Variants in PSD3 observed in about 807,000 individuals in gnomAD.
PSD3 encodes the protein pleckstrin and Sec7 domain containing 3.
PSD3 carries 49 observed loss-of-function variants against 105.5 expected under a neutral mutation model. The ratio of observed to expected loss-of-function variants is 0.46; its 90% CI spans 0.37 to 0.59. PSD3 has a LOEUF of 0.59. Among genes scored for constraint, PSD3 ranks in the 20% least tolerant of loss-of-function variants. PSD3 has a pLI of 0.00. For missense variants in PSD3, 1,561 were observed against 1,263.8 expected (o/e 1.24, Z -3.57); for synonymous variants, 557 against 457.8 (o/e 1.22, Z -2.77).
intron 1 of PSD3, among the ~76,000 whole-genome samples, chr8:19,074,344 A>G (rs1176060745): frequency 6.6e-6 from 1 of 151,994 alleles, no homozygotes; most frequent in Non-Finnish European, 1.5e-5. Flanking sequence ...ATCTTCCAGG[A>G]TGAGGGGAAA....
intron 15 of PSD3, among the ~76,000 whole-genome samples, chr8:18,546,111 C>G (rs1047392032): frequency 6.6e-6 from 1 of 152,156 alleles, no homozygotes; most frequent in Non-Finnish European, 1.5e-5. Context: ...CGCAATTCTC[C>G]TGCCTCAGCA....
intron 1 of PSD3, among the ~76,000 whole-genome samples, chr8:18,945,831 C>T (rs1008007196): frequency 6.8e-6 from 1 of 146,092 alleles, no homozygotes; most frequent in African/African-American, 2.6e-5. Flanking sequence ...AAAAATTAGC[C>T]AGGTGCAGTG....
chr8:18,617,039 T>C (rs1372579375), intron 11 of PSD3, among the ~76,000 whole-genome samples: 2 of 152,178 alleles, frequency 1.3e-5, no homozygotes, highest in Admixed American at 1.3e-4. Context: ...TCTATGATTT[T>C]CCCCTGTGTG....
chr8:18,628,668 A>G (rs1196743261), intron 11 of PSD3, among the ~76,000 whole-genome samples: 1 of 152,026 alleles, frequency 6.6e-6, no homozygotes, highest in Non-Finnish European at 1.5e-5. Context: ...ATAGGACAAC[A>G]TCACAAAGGC....
chr8:18,655,615 T>C, intron 10 of PSD3, 27 bp downstream of exon 10: 1 of 1,609,448 alleles, frequency 6.2e-7, no homozygotes, highest in South Asian at 1.1e-5. Context: ...AGTTCATTAT[T>C]AAAAGGCTGA....
intron 11 of PSD3, among the ~76,000 whole-genome samples, chr8:18,611,419 A>C (rs1398196182): frequency 1.3e-5 from 2 of 152,018 alleles, no homozygotes; most frequent in Non-Finnish European, 2.9e-5. Flanking sequence ...AAAACACATA[A>C]TTTTTTATTT....
intron 9 of PSD3, among the ~76,000 whole-genome samples, chr8:18,703,223 A>T (rs1801693332): frequency 6.6e-6 from 1 of 152,156 alleles, no homozygotes. Context: ...AATAGTCTAC[A>T]AAGGGGCAGA....
At position 18,719,534 on chromosome 8, in the gene PSD3, T is replaced by C. The variant is rs75999931; in HGVS notation, c.2172+45915A>G. On this transcript the variant is annotated intron_variant, in intron 9 of 15. Transcript: ENST00000327040. The stretch of plus-strand genomic sequence containing the variant: ...TAAAACTGTATCAAAACAGATACTA[T>C]AGAATCTCACTTGAACAAGACTTTA... Among the ~76,000 whole-genome samples the C allele has an allele frequency of 6.6e-3, 1,008 of 152,312 alleles. 10 individuals are homozygous for C. The highest frequency in any genetic ancestry group is 0.022 in the African/African-American group (921 of 41,560).
At chr8:18,874,796 T>C (rs1817625497) in intron 2 of PSD3, among the ~76,000 whole-genome samples, 1 of 151,908 alleles carries the variant, frequency 6.6e-6, no homozygotes, top group South Asian at 2.1e-4. Context: ...CTGATACAAT[T>C]ACTAATAATA....
At chr8:19,017,831 T>C (rs765913070), upstream of PSD3, among the ~76,000 whole-genome samples, 7 of 152,252 alleles carry the variant, frequency 4.6e-5, no homozygotes, top group Non-Finnish European at 7.3e-5. Flanking sequence ...CAGTTGTTTC[T>C]ACTTTTTGGC....
intron 2 of PSD3, among the ~76,000 whole-genome samples, chr8:18,900,181 C>T (rs532954956): frequency 1.9e-4 from 29 of 152,234 alleles, no homozygotes; most frequent in African/African-American, 6.7e-4. Flanking sequence ...CTTTTGCTGG[C>T]ATTACATTCT....
chr8:18,701,866 G>A (rs1257499245), intron 9 of PSD3, among the ~76,000 whole-genome samples: 3 of 152,130 alleles, frequency 2.0e-5, no homozygotes, highest in African/African-American at 7.2e-5. Context: ...TTCATCTCAG[G>A]TTTTTTCAAC....
chr8:18,980,859 T>A (rs1235822426), intron 1 of PSD3, among the ~76,000 whole-genome samples: 1 of 152,190 alleles, frequency 6.6e-6, no homozygotes, highest in Non-Finnish European at 1.5e-5. Context: ...ACTGAGTGCT[T>A]CCGCCACAGT....
chr8:18,701,772 T>C (rs748201746), intron 9 of PSD3, among the ~76,000 whole-genome samples: 31 of 152,328 alleles, frequency 2.0e-4, no homozygotes, highest in African/African-American at 6.3e-4. Context: ...ATTTACCAAA[T>C]ATAAGAGCTT....
intron 9 of PSD3, among the ~76,000 whole-genome samples, chr8:18,742,302 T>C (rs1284454350): frequency 6.6e-6 from 1 of 152,030 alleles, no homozygotes; most frequent in African/African-American, 2.4e-5. Context: ...CAACCTAGTA[T>C]CACCAAAACC....
intron 2 of PSD3, among the ~76,000 whole-genome samples, chr8:18,919,004 T>A (rs1441628895): frequency 1.3e-5 from 2 of 152,182 alleles, no homozygotes; most frequent in Non-Finnish European, 2.9e-5. Context: ...TTCTCCTTTC[T>A]ACAGATTAAG....
At chr8:18,682,668 A>C (rs982875010) in intron 9 of PSD3, among the ~76,000 whole-genome samples, 1 of 152,204 alleles carries the variant, frequency 6.6e-6, no homozygotes, top group Non-Finnish European at 1.5e-5. Context: ...ATAGGAAGCC[A>C]ACATATTTCT....
chr8:18,718,376 A>G (rs1370993585), intron 9 of PSD3, among the ~76,000 whole-genome samples: 2 of 152,232 alleles, frequency 1.3e-5, no homozygotes, highest in Admixed American at 6.5e-5. Context: ...TAGCTTTAGC[A>G]TATTATTATG....
intron 4 of PSD3, among the ~76,000 whole-genome samples, chr8:18,842,922 C>G (rs1295322663): frequency 6.6e-6 from 1 of 152,180 alleles, no homozygotes; most frequent in Non-Finnish European, 1.5e-5. Context: ...CACATGGAAC[C>G]AGGCATGGAC....
Sources: allele counts gnomAD v4.1 joint callset (sites outside exome capture counted in the v4.1 genomes callset), GRCh38; gene constraint gnomAD v4.1.1; transcripts MANE v1.5; gene names NCBI Gene and HGNC (gene_info 2026-07-23, HGNC 2026-07-21).